The following CCDC7 variants were observed in gnomAD, a reference collection of about 807,000 sequenced individuals.
CCDC7 encodes coiled-coil domain containing 7.
In CCDC7, 183 loss-of-function variants were observed where a neutral mutation model predicts 196.9. The ratio of observed to expected loss-of-function variants is 0.93; its 90% CI spans 0.82 to 1.05. The LOEUF (loss-of-function observed/expected upper bound fraction) is 1.05, where lower values mean the gene tolerates loss of function less well. Ranked by LOEUF, CCDC7 falls within the 50% of genes least tolerant of loss-of-function variation. CCDC7 has a pLI of 0.00. For missense variants in CCDC7, 1,540 were observed against 1,482.2 expected (o/e 1.04, Z -0.64); for synonymous variants, 525 against 484.6 (o/e 1.08, Z -1.10).
chr10:32,645,706 G>C (rs1411136721), intron 20 of CCDC7, among the ~76,000 whole-genome samples: 1 of 151,618 alleles, frequency 6.6e-6, no homozygotes, highest in African/African-American at 2.4e-5. Context: ...TATTGCTTTT[G>C]ATTTTGTTTC....
intron 9 of CCDC7, among the ~76,000 whole-genome samples, chr10:32,503,073 G>A (rs1470795928): frequency 6.6e-6 from 1 of 151,988 alleles, no homozygotes; most frequent in Non-Finnish European, 1.5e-5. Flanking sequence ...TTTCTATATA[G>A]GAAAGTATAT....
chr10:32,779,288 G>A (rs2080646226), intron 29 of CCDC7, among the ~76,000 whole-genome samples: 1 of 152,224 alleles, frequency 6.6e-6, no homozygotes, highest in Admixed American at 6.5e-5. Flanking sequence ...CATTAATTTT[G>A]TAATGTTTCA....
At chr10:32,750,889 A>G (rs899704648) in intron 28 of CCDC7, among the ~76,000 whole-genome samples, 1 of 152,208 alleles carries the variant, frequency 6.6e-6, no homozygotes, top group African/African-American at 2.4e-5. Context: ...AGTAATTTCA[A>G]CTGGGTCTTA....
intron 25 of CCDC7, among the ~76,000 whole-genome samples, chr10:32,721,199 A>G (rs1024978131): frequency 6.6e-6 from 1 of 152,178 alleles, no homozygotes; most frequent in Non-Finnish European, 1.5e-5. Context: ...ACTTTATAAC[A>G]CTATTTTATG....
intron 11 of CCDC7, among the ~76,000 whole-genome samples, chr10:32,538,420 T>C (rs1008521085): frequency 6.6e-6 from 1 of 152,140 alleles, no homozygotes; most frequent in Non-Finnish European, 1.5e-5. Flanking sequence ...TATAGAATCA[T>C]GCCATCAAAC....
chr10:32,881,476 CTGAG>C (rs1182743554), downstream of CCDC7, among the ~76,000 whole-genome samples: 1 of 152,132 alleles, frequency 6.6e-6, no homozygotes, highest in East Asian at 1.9e-4. Flanking sequence ...TAACTTTTAA[CTGAG>C]TGAGATCTTG....
intron 20 of CCDC7, among the ~76,000 whole-genome samples, chr10:32,654,713 G>A (rs2140234425): frequency 6.6e-6 from 1 of 152,238 alleles, no homozygotes; most frequent in South Asian, 2.1e-4. Context: ...TTGTAACTCT[G>A]CCTTAGCCTT....
chr10:32,451,103 A>G (rs924289254), upstream of CCDC7, among the ~76,000 whole-genome samples: 4 of 152,198 alleles, frequency 2.6e-5, no homozygotes, highest in Non-Finnish European at 5.9e-5. Context: ...AGGAAATGCT[A>G]TAAGTCCTAT....
chr10:32,841,894 G>A (rs1251787388), intron 33 of CCDC7, among the ~76,000 whole-genome samples: 1 of 152,064 alleles, frequency 6.6e-6, no homozygotes, highest in African/African-American at 2.4e-5. Flanking sequence ...TGGAGTAATT[G>A]TCAAGCCACA....
chr10:32,612,195 T>C (rs1417388637), intron 18 of CCDC7, among the ~76,000 whole-genome samples: 5 of 152,258 alleles, frequency 3.3e-5, no homozygotes, highest in African/African-American at 1.2e-4. Context: ...TGAATGGGAG[T>C]TCACTCATGA....
At chr10:32,612,251 A>T (rs2062232333) in intron 18 of CCDC7, among the ~76,000 whole-genome samples, 1 of 152,040 alleles carries the variant, frequency 6.6e-6, no homozygotes, top group Admixed American at 6.6e-5. Flanking sequence ...AAAGCTTGTG[A>T]TTTTTGCACA....
intron 41 of CCDC7, among the ~76,000 whole-genome samples, chr10:32,860,568 A>G (rs2093942910): frequency 6.6e-6 from 1 of 152,218 alleles, no homozygotes; most frequent in African/African-American, 2.4e-5. Context: ...GGCCAGGGCA[A>G]TCAGGCAAGA....
chr10:32,835,860 T>C (rs557229270), intron 33 of CCDC7, among the ~76,000 whole-genome samples: 2 of 152,024 alleles, frequency 1.3e-5, no homozygotes, highest in Non-Finnish European at 2.9e-5. Flanking sequence ...TGAAAACAAA[T>C]GCAGTACTTA....
At chr10:32,813,242 C>T (rs934165014) in intron 30 of CCDC7, among the ~76,000 whole-genome samples, 3 of 152,144 alleles carry the variant, frequency 2.0e-5, no homozygotes, top group Non-Finnish European at 2.9e-5. Flanking sequence ...CACCAATCCT[C>T]ATTATCCCCT....
At chr10:32,824,990 C>T (rs2090900253) in intron 32 of CCDC7, among the ~76,000 whole-genome samples, 1 of 152,118 alleles carries the variant, frequency 6.6e-6, no homozygotes, top group South Asian at 2.1e-4. Context: ...TTACCCATTC[C>T]CTCTCATATC....
At chr10:32,806,101 CG>C (rs1017113567) in intron 30 of CCDC7, among the ~76,000 whole-genome samples, 2 of 152,160 alleles carry the variant, frequency 1.3e-5, no homozygotes, top group African/African-American at 4.8e-5. Context: ...GACACAAACA[CG>C]TCCCACCTCC....
intron 8 of CCDC7, among the ~76,000 whole-genome samples, chr10:32,487,031 G>A (rs56903806): frequency 0.051 from 7,735 of 152,152 alleles, 639 homozygotes; most frequent in African/African-American, 0.17. Context: ...GAATTTGAAT[G>A]TTGGCCTGCC....
intron 30 of CCDC7, among the ~76,000 whole-genome samples, chr10:32,805,907 G>A (rs777405361): frequency 6.6e-6 from 1 of 152,190 alleles, no homozygotes; most frequent in Non-Finnish European, 1.5e-5. Flanking sequence ...TGGCTTCTGG[G>A]GAGGCCTCAG....
At position 32,453,380 on chromosome 10, in the gene CCDC7, G is replaced by A. The variant is rs771382422; in HGVS notation, c.316G>A (p.Asp106Asn). The A allele has an allele frequency of 3.0e-5, 47 of 1,543,788 alleles. No homozygotes were observed. The African/African-American group carries it at 4.3e-4, about 14-fold the overall frequency. ...TTTGGAAGAAACCTATGGACATTGC[G>A]ATCAGAATGGAGAAGAACCATTTGT... is the stretch of plus-strand genomic sequence containing the variant. Residue 106 changes from aspartate to asparagine, a missense_variant, in exon 2 of 42, where the codon GAT (aspartate) becomes AAT (asparagine). Transcript: ENST00000639629.
Sources: allele counts gnomAD v4.1 joint callset (sites outside exome capture counted in the v4.1 genomes callset), GRCh38; gene constraint gnomAD v4.1.1; transcripts MANE v1.5; gene names NCBI Gene and HGNC (gene_info 2026-07-23, HGNC 2026-07-21).